Variants in TNFRSF10A observed in about 807,000 individuals in gnomAD.
The protein encoded by TNFRSF10A is tumor necrosis factor receptor superfamily member 10A.
In TNFRSF10A, 44 loss-of-function variants were observed where a neutral mutation model predicts 42.8. That is an observed-to-expected ratio of 1.03 (90% CI 0.81 to 1.32). The LOEUF (loss-of-function observed/expected upper bound fraction) is 1.32, where lower values mean the gene tolerates loss of function less well. Ranked by LOEUF, TNFRSF10A falls within the 40% of genes most tolerant of loss-of-function variation. The pLI is 0.00. For missense variants in TNFRSF10A, 680 were observed against 602.0 expected (o/e 1.13, Z -1.36); for synonymous variants, 259 against 234.2 (o/e 1.11, Z -0.97).
At position 23,212,008 on chromosome 8, in the gene TNFRSF10A, G is replaced by A. The variant is rs993100348; in HGVS notation, c.403+108C>T. 4.0e-6 allele frequency: 4 copies of A among 1,006,168 alleles called. No individual in the cohort carries two copies. In the African/African-American group the frequency reaches 4.9e-5, roughly 12 times the overall value. 62.3% of individuals were successfully genotyped at this position (1,006,168 alleles called of 1,614,324 possible). On this transcript the variant is annotated intron_variant, in intron 2 of 9. Coordinates refer to ENST00000221132, the MANE Select transcript of TNFRSF10A (RefSeq NM_003844.4). Reference sequence around the variant, plus strand: ...AACTGTAGGAAACAGAAAACTTGAAGAACATGGAAAAGGAATGTTATTGAT... The same window carrying A: ...AACTGTAGGAAACAGAAAACTTGAAAAACATGGAAAAGGAATGTTATTGAT...
chr8:23,192,894 C>CA (rs569850909), intron 9 of TNFRSF10A, among the ~76,000 whole-genome samples: 58 of 152,094 alleles, frequency 3.8e-4, no homozygotes, highest in Non-Finnish European at 6.9e-4. Context: ...GCAAGCATCT[C>CA]AAAAAAAGTA....
At chr8:23,213,410 T>C (rs544676365) in intron 1 of TNFRSF10A, among the ~76,000 whole-genome samples, 1 of 149,966 alleles carries the variant, frequency 6.7e-6, no homozygotes, top group Admixed American at 6.7e-5. Flanking sequence ...ATCTATTTTT[T>C]GCTGGTTTGG....
chr8:23,200,636 T>A (rs368788514), intron 5 of TNFRSF10A, 36 bp from the exon 6 acceptor site: 3 of 1,613,896 alleles, frequency 1.9e-6, no homozygotes, highest in Non-Finnish European at 2.5e-6. Flanking sequence ...AGTCTCGGGC[T>A]GCTGGTCCCT....
chr8:23,219,013 A>C (rs1489268876), intron 1 of TNFRSF10A, among the ~76,000 whole-genome samples: 12 of 151,410 alleles, frequency 7.9e-5, no homozygotes, highest in Non-Finnish European at 1.6e-4. Flanking sequence ...AGCCACCAAT[A>C]CCATGACCTG....
At chr8:23,217,567 A>C (rs1801201601) in intron 1 of TNFRSF10A, among the ~76,000 whole-genome samples, 1 of 152,116 alleles carries the variant, frequency 6.6e-6, no homozygotes, top group Non-Finnish European at 1.5e-5. Context: ...ATCTCTACTA[A>C]TAGCAAGTGA....
chr8:23,213,094 C>T (rs975414183), intron 1 of TNFRSF10A, among the ~76,000 whole-genome samples: 23 of 152,118 alleles, frequency 1.5e-4, no homozygotes, highest in African/African-American at 5.1e-4. Context: ...TGTTCAAAAT[C>T]TCTATTTCTT....
chr8:23,216,828 C>T (rs1474394727), intron 1 of TNFRSF10A, among the ~76,000 whole-genome samples: 2 of 152,026 alleles, frequency 1.3e-5, no homozygotes, highest in Non-Finnish European at 2.9e-5. Flanking sequence ...TTAATATTCA[C>T]ATTTTTGGAG....
At chr8:23,192,123 C>G in intron 9 of TNFRSF10A, 110 bp from the exon 10 acceptor site, 1 of 1,487,244 alleles carries the variant, frequency 6.7e-7, no homozygotes, top group Admixed American at 2.2e-5. Context: ...GGAGAGCCCC[C>G]TGCATGGGCA....
chr8:23,200,502 T>C lies in TNFRSF10A; in HGVS notation c.799+3A>G. ...AGAGCCCTTGCCCTCAGCCAGCACC[T>C]ACCTGAGCCGATGCAACAACAGACA... On this transcript the variant is annotated splice_donor_region_variant and intron_variant, in intron 6 of 9. Transcript: ENST00000221132. 1 of 1,614,094 alleles carries C rather than the reference T, an allele frequency of 6.2e-7. No individual in the cohort carries two copies. Among genetic ancestry groups the C allele is most frequent in the Non-Finnish European group, 8.5e-7 (1 of 1,179,990 alleles).
chr8:23,220,677 T>G (rs912735274), intron 1 of TNFRSF10A, among the ~76,000 whole-genome samples: 2 of 152,026 alleles, frequency 1.3e-5, no homozygotes, highest in Non-Finnish European at 2.9e-5. Flanking sequence ...CTAATGAACT[T>G]GAAAGAGAAC....
At chr8:23,203,573 C>G (rs985985327) in intron 2 of TNFRSF10A, among the ~76,000 whole-genome samples, 1 of 152,186 alleles carries the variant, frequency 6.6e-6, no homozygotes, top group Non-Finnish European at 1.5e-5. Flanking sequence ...TTCAGGTGAC[C>G]TCACTCTCCC....
At chr8:23,202,890 G>A in intron 2 of TNFRSF10A, 129 bp from the exon 3 acceptor site, 1 of 636,268 alleles carries the variant, frequency 1.6e-6, no homozygotes. Flanking sequence ...TTCTTGGCTT[G>A]GTCTTGTCGT....
At chr8:23,221,435 C>T (rs773889344) in intron 1 of TNFRSF10A, among the ~76,000 whole-genome samples, 1 of 152,220 alleles carries the variant, frequency 6.6e-6, no homozygotes. Flanking sequence ...TTCTCATTTC[C>T]TACTTTGATA....
At chr8:23,209,348 G>T (rs764569038) in intron 2 of TNFRSF10A, among the ~76,000 whole-genome samples, 1 of 152,258 alleles carries the variant, frequency 6.6e-6, no homozygotes, top group South Asian at 2.1e-4. Context: ...CCCTACTGGG[G>T]CACTGCCTAG....
chr8:23,203,923 C>T (rs1354548201), intron 2 of TNFRSF10A, among the ~76,000 whole-genome samples: 2 of 151,902 alleles, frequency 1.3e-5, no homozygotes, highest in Admixed American at 1.3e-4. Context: ...ACTACAGGAG[C>T]GTGCCACCAC....
intron 2 of TNFRSF10A, among the ~76,000 whole-genome samples, 191 bp from the exon 3 acceptor site, chr8:23,202,952 T>A (rs1563380339): frequency 6.6e-6 from 1 of 152,070 alleles, no homozygotes; most frequent in Non-Finnish European, 1.5e-5. Flanking sequence ...AGAAATACAA[T>A]ACAAACCACA....
intron 1 of TNFRSF10A, 85 bp downstream of exon 1, chr8:23,224,671 C>T: frequency 6.8e-7 from 1 of 1,460,214 alleles, no homozygotes; most frequent in Non-Finnish European, 9.1e-7. Flanking sequence ...CCGGGCCAGG[C>T]ACCCCCGCCG....
chr8:23,223,806 T>TGCTTTCACAGGAAAC (rs1272418955), intron 1 of TNFRSF10A, among the ~76,000 whole-genome samples: 3 of 152,200 alleles, frequency 2.0e-5, no homozygotes, highest in African/African-American at 7.2e-5. Context: ...ACTGAGTGAT[T>TGCTTTCACAGGAAAC]GCTTTCACAG....
At chr8:23,199,128 T>A in intron 8 of TNFRSF10A, 138 bp downstream of exon 8, 1 of 955,120 alleles carries the variant, frequency 1.0e-6, no homozygotes, top group Non-Finnish European at 1.5e-6. Context: ...CTTGTGAGGG[T>A]GGCTGCTTTT....
Sources: allele counts gnomAD v4.1 joint callset (sites outside exome capture counted in the v4.1 genomes callset), GRCh38; gene constraint gnomAD v4.1.1; transcripts MANE v1.5; gene names NCBI Gene and HGNC (gene_info 2026-07-23, HGNC 2026-07-21).